PCOLCE: variants seen among roughly 807,000 people sequenced by gnomAD.
PCOLCE encodes the protein procollagen C-endopeptidase enhancer.
Under a neutral mutation model 47.2 loss-of-function variants are expected in PCOLCE, and 33 were observed. That is an observed-to-expected ratio of 0.70 (90% CI 0.53 to 0.93). PCOLCE has a LOEUF of 0.93. Among genes scored for constraint, PCOLCE ranks in the 40% least tolerant of loss-of-function variants. The pLI, the probability that PCOLCE is intolerant of heterozygous loss-of-function variation, is 0.00. For synonymous variants in PCOLCE, 254 were observed against 252.5 expected (o/e 1.01, Z -0.06); for missense variants, 584 against 585.3 (o/e 1.00, Z 0.02).
Position 100,604,170 on chromosome 7 carries a change from G to A in PCOLCE, c.416G>A (p.Gly139Glu), listed in dbSNP as rs1200752349. 2.5e-6 allele frequency: 4 copies of A among 1,613,336 alleles called. No individual in the cohort carries two copies. Among genetic ancestry groups the A allele is most frequent in the Non-Finnish European group, 3.4e-6 (4 of 1,179,950 alleles). Residue 139 changes from glycine to glutamate, a missense_variant, in exon 3 of 9, where the codon GGA becomes GAA. Transcript: ENST00000223061. This position sits in a 1 kb window ranked among gnomAD's most constrained non-coding sequence, Gnocchi z 6.4. ...LRMTTDEGTG[G>E]RGFLLWYSGR... ...ATGACGACGGATGAGGGCACAGGAG[G>A]ACGAGGCTTCCTGCTCTGGTACAGC...
At chr7:100,602,899 G>T in intron 1 of PCOLCE, 1 of 361,292 alleles carries the variant, frequency 2.8e-6, no homozygotes, top group South Asian at 3.7e-5. Flanking sequence ...AGGGGGAGGA[G>T]GGGGCAGTGA....
chr7:100,603,616 C>G (rs570863897), intron 2 of PCOLCE, 78 bp downstream of exon 2: 5 of 637,708 alleles, frequency 7.8e-6, no homozygotes, highest in Non-Finnish European at 1.4e-5. Flanking sequence ...GACCCCCCCC[C>G]CGTCCCCCCC....
chr7:100,603,431 C>G lies in PCOLCE; in HGVS notation c.97C>G (p.Pro33Ala). ...AQGQTPNYTR[P>A]VFLCGGDVKG... ...CCTGACCCCTTTTCTGTTCTCCAGA[C>G]CCGTGTTCCTGTGCGGAGGGGATGT... Residue 33 changes from proline (P) to alanine (A), a missense_variant and splice_region_variant, in exon 2 of 9, where the codon CCC becomes GCC. Coordinates refer to ENST00000223061, the MANE Select transcript of PCOLCE (RefSeq NM_002593.4). 6.3e-7 allele frequency: 1 copy of G among 1,581,714 alleles called. No homozygotes were observed. Among genetic ancestry groups the G allele is most frequent in the Non-Finnish European group, 8.6e-7 (1 of 1,156,576 alleles).
At position 100,607,460 on chromosome 7, in the gene PCOLCE, AC is replaced by A; in HGVS notation, c.951del (p.Cys318AlafsTer22). 6.2e-7 allele frequency: 1 copy of A among 1,613,998 alleles called. No homozygotes were observed. The highest frequency in any genetic ancestry group is 1.1e-5 in the South Asian group (1 of 91,078). On this transcript the variant is annotated frameshift_variant, in exon 7 of 9. Transcript: ENST00000223061. LOFTEE classifies it high-confidence loss of function. ...EESPSAPDAP[T>X]CPKQCRRTGT... ...ACCCTCCTCCCTCCTAGATGCACCC[AC>A]CTGCCCAAAGCAGTGCCGCCGGACA...
chr7:100,603,737 C>A (rs1246864280), intron 2 of PCOLCE, 199 bp downstream of exon 2: 2 of 612,946 alleles, frequency 3.3e-6, no homozygotes, highest in African/African-American at 3.7e-5. Context: ...TCTTCATTCT[C>A]CAGTCCCCGG....
Position 100,605,723 on chromosome 7 carries a change from C to T in PCOLCE, c.636C>T (p.Tyr212=), listed in dbSNP as rs368766319. ...AGTTTGACCTGGAGCCGGACACCTA[C>T]TGCCGCTATGACTCGGTCAGCGTGT... ...FEKFDLEPDT[Y]CRYDSVSVFN... is the part of the protein sequence containing the mutation. The change falls in exon 5 of 9, where the codon TAC becomes TAT. Residue 212 remains tyrosine, a synonymous_variant. Transcript: ENST00000223061. The surrounding 1 kb of genome is among the most constrained non-coding windows in gnomAD (Gnocchi z 6.1). 1.3e-6 allele frequency: 2 copies of T among 1,575,590 alleles called. No individual in the cohort carries two copies. The highest frequency in any genetic ancestry group is 1.4e-5 in the African/African-American group (1 of 74,024).
At position 100,604,331 on chromosome 7, in the gene PCOLCE, C is replaced by T. The variant is rs1290526319; in HGVS notation, c.463+114C>T. On this transcript the variant is annotated intron_variant, in intron 3 of 8. Coordinates refer to ENST00000223061, the MANE Select transcript of PCOLCE (RefSeq NM_002593.4). This position sits in a 1 kb window ranked among gnomAD's most constrained non-coding sequence, Gnocchi z 6.4. ...CCCCGCGCCCCAGTGCCTAGGGCCC[C>T]CTACCTCCCTGACCCATTTTCCTCA... The T allele has an allele frequency of 7.6e-6, 7 of 923,290 alleles. No individual in the cohort carries two copies. In the African/African-American group the frequency reaches 1.2e-4, roughly 15 times the overall value. 57.2% of individuals were successfully genotyped at this position (923,290 alleles called of 1,614,324 possible). A position where few individuals can be genotyped will look rare whatever the true frequency, so the allele number is the denominator to read the frequency against.
rs1451151286 is a variant in PCOLCE at position 100,602,439 on chromosome 7, C to T, written c.-18C>T. On this transcript the variant is annotated 5_prime_UTR_variant, in exon 1 of 9. Transcript: ENST00000223061. Reference sequence around the variant, plus strand: ...GCTGCCTCTGTCTTGAGGACCCCAGCGCCTTTCCCCCGGGGCCATGCTGCC... The same window carrying T: ...GCTGCCTCTGTCTTGAGGACCCCAGTGCCTTTCCCCCGGGGCCATGCTGCC... 3 of 1,548,440 alleles carry T rather than the reference C, an allele frequency of 1.9e-6. No individual in the cohort carries two copies. Among genetic ancestry groups the T allele is most frequent in the Non-Finnish European group, 2.7e-6 (3 of 1,122,702 alleles).
In PCOLCE at chr7:100,606,602, G is replaced by A. The variant is rs1309586275; in HGVS notation, c.912G>A (p.Glu304=). ...VKLPPKSQPP[E]KTEESPSAPD... is the part of the protein sequence containing the mutation. ...TGCCCCCCAAGTCCCAACCTCCGGA[G>A]AAAACAGAGGAATCTCCTTCAGCCC... The change falls in exon 6 of 9, where the codon GAG becomes GAA. Residue 304 remains glutamate (E), a synonymous_variant. Transcript: ENST00000223061. The A allele has an allele frequency of 6.2e-7, 1 of 1,612,114 alleles. No homozygotes were observed.
Position 100,602,374 on chromosome 7 carries a change from T to G in PCOLCE, c.-83T>G. The G allele has an allele frequency of 2.2e-6, 2 of 916,476 alleles. No individual in the cohort carries two copies. Among genetic ancestry groups the G allele is most frequent in the Non-Finnish European group, 3.6e-6 (2 of 555,900 alleles). The allele number at this position is 916,476 out of a possible 1,614,324, so 56.8% of individuals were successfully genotyped here. A position where few individuals can be genotyped will look rare whatever the true frequency, so the allele number is the denominator to read the frequency against. On this transcript the variant is annotated 5_prime_UTR_variant, in exon 1 of 9. Transcript: ENST00000223061. ...CCCCATCTGGCGCTGATTATCCTGC[T>G]GCTGCCGCCACCGCTGCTGCTGCTC...
rs578062683 is a variant in PCOLCE at position 100,607,832 on chromosome 7, G to A, written c.1183+25G>A. 2.3e-4 allele frequency: 379 copies of A among 1,613,898 alleles called. 3 individuals are homozygous for A. The South Asian group carries it at 4.0e-3, about 17-fold the overall frequency. ...GGTAACAGAGATGTGGGGAAATGGG[G>A]ATGGGTCAAGCTAAGCCACACAGAA... On this transcript the variant is annotated intron_variant, in intron 8 of 8. Coordinates refer to ENST00000223061, the MANE Select transcript of PCOLCE (RefSeq NM_002593.4).
At position 100,604,199 on chromosome 7, in the gene PCOLCE, CG is replaced by C. The variant is rs1562826497; in HGVS notation, c.448del (p.Ala150ProfsTer21). The C allele has an allele frequency of 6.2e-7, 1 of 1,611,564 alleles. No homozygotes were observed. The highest frequency in any genetic ancestry group is 8.5e-7 in the Non-Finnish European group (1 of 1,179,820). On this transcript the variant is annotated frameshift_variant, in exon 3 of 9. Transcript: ENST00000223061. LOFTEE classifies it high-confidence loss of function. The surrounding 1 kb of genome is among the most constrained non-coding windows in gnomAD (Gnocchi z 6.4). ...AGGCTTCCTGCTCTGGTACAGCGGG[CG>C]GGCCACCTCGGGCACTGGTGAGAAC... is the stretch of plus-strand genomic sequence containing the variant. Reference protein sequence around the residue: ...GRGFLLWYSGRATSGTEHQFC... With the variant: ...GRGFLLWYSGXATSGTEHQFC...
At chr7:100,606,214 A>C in intron 5 of PCOLCE, 1 of 571,374 alleles carries the variant, frequency 1.8e-6, no homozygotes, top group South Asian at 2.2e-5. Context: ...CTGTAGTCCC[A>C]GCAACTTGCG....
In PCOLCE at chr7:100,607,941, C is replaced by G. The variant is rs140161433; in HGVS notation, c.1188C>G (p.Val396=). The change falls in exon 9 of 9, where the codon GTC becomes GTG. Residue 396 remains valine (V), a synonymous_variant. Transcript: ENST00000223061. The part of the protein sequence containing the change: ...CKQCPPMKKG[V]SYLLMGQVEE... ...ACCCCTCCCTCCTTCTTCCAGGAGT[C>G]AGTTATCTGCTGATGGGCCAGGTAG... 13 of 1,614,022 alleles carry G rather than the reference C, an allele frequency of 8.1e-6. No individual in the cohort carries two copies. The highest frequency in any genetic ancestry group is 1.1e-5 in the Non-Finnish European group (13 of 1,180,024).
intron 8 of PCOLCE, 59 bp from the exon 9 acceptor site, chr7:100,607,876 CTT>C (rs1802744699): frequency 6.2e-7 from 1 of 1,611,770 alleles, no homozygotes; most frequent in African/African-American, 1.3e-5. Context: ...GGTGTGGAAT[CTT>C]GAGACCTGCT....
In PCOLCE at chr7:100,606,410, C is replaced by G; in HGVS notation, c.726-6C>G. 1 of 1,611,702 alleles carries G rather than the reference C, an allele frequency of 6.2e-7. No individual in the cohort carries two copies. The highest frequency in any genetic ancestry group is 8.5e-7 in the Non-Finnish European group (1 of 1,178,020). On this transcript the variant is annotated splice_region_variant and splice_polypyrimidine_tract_variant and intron_variant, in intron 5 of 8. Coordinates refer to ENST00000223061, the MANE Select transcript of PCOLCE (RefSeq NM_002593.4). ...ACTTCCCCCAATGCTCGGTGGCCAC[C>G]TGCAGCTCCATCTCCTCCGAAGGGA...
Position 100,605,236 on chromosome 7 carries a change from G to T in PCOLCE, c.588+21G>T. The T allele has an allele frequency of 1.2e-6, 2 of 1,604,468 alleles. No individual in the cohort carries two copies. The highest frequency in any genetic ancestry group is 8.5e-7 in the Non-Finnish European group (1 of 1,173,926). On this transcript the variant is annotated intron_variant, in intron 4 of 8. Transcript: ENST00000223061. This position sits in a 1 kb window ranked among gnomAD's most constrained non-coding sequence, Gnocchi z 6.1. Reference sequence around the variant, plus strand: ...ACCAGGTACCGACCCTCCTCCCCGGGCTGCCCTAGGGGACCCAGGCGGCGC... The same window carrying T: ...ACCAGGTACCGACCCTCCTCCCCGGTCTGCCCTAGGGGACCCAGGCGGCGC...
chr7:100,606,713 C>T, intron 6 of PCOLCE, 83 bp downstream of exon 6: 3 of 1,042,244 alleles, frequency 2.9e-6, no homozygotes, highest in Non-Finnish European at 4.2e-6. Flanking sequence ...TGGCTCACAC[C>T]TGTAATCCCA....
rs980215550 is a variant in PCOLCE at position 100,605,920 on chromosome 7, G to A, written c.725+108G>A. ...AAAGGGACGGGATCTGAACCCCAGG[G>A]CTCCAAACCGGCGAGGGGAGCAGGT... is the stretch of plus-strand genomic sequence containing the variant. On this transcript the variant is annotated intron_variant, in intron 5 of 8. Transcript: ENST00000223061. The surrounding 1 kb of genome is among the most constrained non-coding windows in gnomAD (Gnocchi z 6.1). 40 of 1,270,978 alleles carry A rather than the reference G, an allele frequency of 3.1e-5. No homozygotes were observed. Among genetic ancestry groups the A allele is most frequent in the Non-Finnish European group, 4.0e-5 (37 of 928,294 alleles). The allele number at this position is 1,270,978 out of a possible 1,614,324, so 78.7% of individuals were successfully genotyped here. A position where few individuals can be genotyped will look rare whatever the true frequency, so the allele number is the denominator to read the frequency against.
Sources: gnomAD v4.1 joint callset for allele counts on GRCh38, gnomAD v4.1.1 for gene constraint, Gnocchi (gnomAD v3.1) non-coding constraint, MANE v1.5 for transcripts, NCBI Gene and HGNC (gene_info 2026-07-23, HGNC 2026-07-21) for gene names.